DNAAF9: variants seen among roughly 807,000 people sequenced by gnomAD.
DNAAF9 encodes the protein dynein axonemal assembly factor 9.
A neutral mutation model predicts 167.0 loss-of-function variants in DNAAF9; 90 were observed. The observed-to-expected ratio is 0.54, with a 90% confidence interval of 0.45 to 0.64. The LOEUF (loss-of-function observed/expected upper bound fraction) is 0.64, where lower values mean the gene tolerates loss of function less well. Among genes scored for constraint, DNAAF9 ranks in the 30% least tolerant of loss-of-function variants. The pLI, the probability that DNAAF9 is intolerant of heterozygous loss-of-function variation, is 0.00. For missense variants in DNAAF9, 1,315 were observed against 1,442.2 expected, an observed-to-expected ratio of 0.91 and a Z score of 1.43; for synonymous variants, 491 against 508.8, an observed-to-expected ratio of 0.96 and a Z score of 0.47.
Position 3,259,554 on chromosome 20 carries a change from G to T in DNAAF9, c.2981C>A (p.Ala994Glu). ...ACTTGGCTTGATGGAGGACTGAATTGCTGGTGGAAGAAGAGGACAGCGCTG... is the reference window on the plus strand; with the variant it reads ...ACTTGGCTTGATGGAGGACTGAATTTCTGGTGGAAGAAGAGGACAGCGCTG... ...EKTRFVAKCKAIQSSIKPSPF... is the reference protein window; with the variant it reads ...EKTRFVAKCKEIQSSIKPSPF... The change falls in exon 33 of 37, where the codon GCA (alanine) becomes GAA (glutamate). Residue 994 changes from alanine to glutamate, a missense_variant and splice_region_variant. Transcript: ENST00000252032. 1 of 1,607,332 alleles carries T rather than the reference G, an allele frequency of 6.2e-7. No homozygotes were observed. Among genetic ancestry groups the T allele is most frequent in the Non-Finnish European group, 8.5e-7 (1 of 1,173,786 alleles).
At chr20:3,263,203 T>C (rs2068425736) in intron 31 of DNAAF9, among the ~76,000 whole-genome samples, 1 of 152,108 alleles carries the variant, frequency 6.6e-6, no homozygotes, top group South Asian at 2.1e-4. Context: ...CTCGATCTTC[T>C]GACCTTGTGA....
At chr20:3,388,031 G>A (rs1404786439) in intron 1 of DNAAF9, among the ~76,000 whole-genome samples, 1 of 149,068 alleles carries the variant, frequency 6.7e-6, no homozygotes, top group Non-Finnish European at 1.5e-5. Context: ...TCACGCCACT[G>A]CACTCTGGTC....
At position 3,268,253 on chromosome 20, in the gene DNAAF9, T is replaced by C. The variant is rs2068523563; in HGVS notation, c.2786+2174A>G. Among the ~76,000 whole-genome samples the C allele has an allele frequency of 2.0e-5, 3 of 151,982 alleles. No individual in the cohort carries two copies. The South Asian group carries it at 6.2e-4, about 31-fold the overall frequency. On this transcript the variant is annotated intron_variant, in intron 30 of 36. Transcript: ENST00000252032. ...CCATGTTGGCCAGGCTGGGCTGGTC[T>C]TGAACTCCTGACCTCAGGTGATACG...
chr20:3,322,859 C>T (rs1280399136), intron 14 of DNAAF9, among the ~76,000 whole-genome samples, 163 bp from the exon 15 acceptor site: 1 of 152,078 alleles, frequency 6.6e-6, no homozygotes, highest in Non-Finnish European at 1.5e-5. Context: ...CAGGGTCCCA[C>T]ACCACCAGCA....
chr20:3,269,933 G>A lies in DNAAF9; in HGVS notation c.2786+494C>T, dbSNP rs144477755. ...AGATCGCGCCACTGCACTCCAGCCT[G>A]GACGACAGAGGGAGACTCCGTCTCA... On this transcript the variant is annotated intron_variant, in intron 30 of 36. Transcript: ENST00000252032. Among the ~76,000 whole-genome samples the A allele has an allele frequency of 6.4e-3, 976 of 151,446 alleles. 9 individuals are homozygous for A. Among genetic ancestry groups the A allele is most frequent in the African/African-American group, 0.023 (933 of 41,298 alleles).
intron 27 of DNAAF9, among the ~76,000 whole-genome samples, chr20:3,286,994 G>A (rs1427202832): frequency 6.6e-6 from 1 of 152,178 alleles, no homozygotes; most frequent in Non-Finnish European, 1.5e-5. Context: ...CCTTAGAACA[G>A]GTCAAAAGAA....
At chr20:3,370,411 G>A (rs889838102) in intron 6 of DNAAF9, among the ~76,000 whole-genome samples, 7 of 147,084 alleles carry the variant, frequency 4.8e-5, no homozygotes, top group East Asian at 1.9e-4. Flanking sequence ...ACTGTGCCTC[G>A]CTAATTTTTT....
intron 6 of DNAAF9, among the ~76,000 whole-genome samples, chr20:3,360,694 T>C (rs2083350474): frequency 6.6e-6 from 1 of 152,158 alleles, no homozygotes; most frequent in African/African-American, 2.4e-5. Flanking sequence ...AACCAAGGCA[T>C]GCACCGGATT....
intron 6 of DNAAF9, among the ~76,000 whole-genome samples, chr20:3,366,552 A>G (rs2083435122): frequency 6.6e-6 from 1 of 152,210 alleles, no homozygotes; most frequent in South Asian, 2.1e-4. Context: ...GCTTCAACTT[A>G]AAGTCACCAG....
At chr20:3,347,323 TAAAG>T (rs2070211531) in intron 8 of DNAAF9, among the ~76,000 whole-genome samples, 1 of 151,810 alleles carries the variant, frequency 6.6e-6, no homozygotes, top group Admixed American at 6.6e-5. Flanking sequence ...GAAGGCGAAA[TAAAG>T]ATTTTTTTTC....
intron 20 of DNAAF9, 36 bp from the exon 21 acceptor site, chr20:3,304,579 C>T (rs749060108): frequency 5.3e-6 from 5 of 935,374 alleles, no homozygotes. Flanking sequence ...AGCTGGAGGG[C>T]TGGGTGCTGG....
intron 35 of DNAAF9, among the ~76,000 whole-genome samples, chr20:3,254,049 T>C (rs2068236930): frequency 6.6e-6 from 1 of 152,018 alleles, no homozygotes; most frequent in African/African-American, 2.4e-5. Flanking sequence ...CGGTGTGCAG[T>C]GGTACTGATG....
At position 3,357,241 on chromosome 20, in the gene DNAAF9, G is replaced by A. The variant is rs7264783; in HGVS notation, c.690+2275C>T. 3.1e-3 allele frequency among the ~76,000 whole-genome samples: 467 copies of A among 152,326 alleles called. 4 individuals are homozygous for A. The highest frequency in any genetic ancestry group is 0.01 in the African/African-American group (432 of 41,568). On this transcript the variant is annotated intron_variant, in intron 7 of 36. Coordinates refer to ENST00000252032, the MANE Select transcript of DNAAF9 (RefSeq NM_001009984.3). ...AATCCCAGCACTTTGGGAGGCCGAG[G>A]TGGGCGGACCACTTAAGGTCAGGAA...
At chr20:3,402,089 G>A (rs1322989492) in intron 1 of DNAAF9, among the ~76,000 whole-genome samples, 1 of 152,136 alleles carries the variant, frequency 6.6e-6, no homozygotes, top group Non-Finnish European at 1.5e-5. Context: ...GCTGGGTGCA[G>A]AATTCTGGGT....
chr20:3,277,885 C>T (rs1196730417), intron 29 of DNAAF9, among the ~76,000 whole-genome samples: 1 of 152,190 alleles, frequency 6.6e-6, no homozygotes, highest in Non-Finnish European at 1.5e-5. Context: ...CCCAAGACAA[C>T]AACTCTGGTA....
intron 30 of DNAAF9, among the ~76,000 whole-genome samples, chr20:3,265,969 T>C (rs1001494209): frequency 2.0e-5 from 3 of 152,172 alleles, no homozygotes; most frequent in African/African-American, 4.8e-5. Context: ...CGTGAGTCAC[T>C]GCACCCGGCC....
chr20:3,257,579 T>A (rs1354484943), intron 33 of DNAAF9, among the ~76,000 whole-genome samples: 1 of 152,032 alleles, frequency 6.6e-6, no homozygotes, highest in Non-Finnish European at 1.5e-5. Flanking sequence ...AGTTTCACTC[T>A]GTCGCCCAGG....
In DNAAF9 at chr20:3,278,951, TAGGGGGAAAAA is replaced by T. The variant is rs2068719469; in HGVS notation, c.2613-13_2613-3del. On this transcript the variant is annotated splice_polypyrimidine_tract_variant and splice_region_variant and intron_variant, in intron 28 of 36. Coordinates refer to ENST00000252032, the MANE Select transcript of DNAAF9 (RefSeq NM_001009984.3). ...TCAAGACATTTAGGAAAGAGAAATCTAGGGGGAAAAAAGGGGGAAATATTTAAAAACCATTC... is the reference window on the plus strand; with the variant it reads ...TCAAGACATTTAGGAAAGAGAAATCTAGGGGGAAATATTTAAAAACCATTC... The T allele has an allele frequency of 1.3e-6, 2 of 1,591,950 alleles. No homozygotes were observed. The highest frequency in any genetic ancestry group is 1.7e-6 in the Non-Finnish European group (2 of 1,162,432).
At chr20:3,366,293 T>G (rs1477615297) in intron 6 of DNAAF9, among the ~76,000 whole-genome samples, 1 of 152,192 alleles carries the variant, frequency 6.6e-6, no homozygotes, top group South Asian at 2.1e-4. Context: ...GAAAACAACA[T>G]TAATCCTCTT....
Sources: allele counts gnomAD v4.1 joint callset (sites outside exome capture counted in the v4.1 genomes callset), GRCh38; gene constraint gnomAD v4.1.1; transcripts MANE v1.5; gene names NCBI Gene and HGNC (gene_info 2026-07-23, HGNC 2026-07-21).